CLRN1: variants seen among roughly 807,000 people sequenced by gnomAD.
CLRN1 encodes clarin 1, also known as clarin-1.
A neutral mutation model predicts 18.7 loss-of-function variants in CLRN1; 15 were observed. The observed-to-expected ratio is 0.80, with a 90% confidence interval of 0.54 to 1.23. The LOEUF is 1.23. CLRN1 is among the 50% of genes most tolerant of loss of function. The pLI is 0.00. For missense variants in CLRN1, 311 were observed against 277.5 expected (o/e 1.12, Z -0.86); for synonymous variants, 104 against 102.9 (o/e 1.01, Z -0.07).
intron 2 of CLRN1, chr3:150,940,646 A>T: frequency 3.4e-6 from 3 of 882,780 alleles, no homozygotes; most frequent in Non-Finnish European, 5.1e-6. Flanking sequence ...GGAATCTGAC[A>T]AAGTGTTGGA....
chr3:150,947,068 T>C (rs141924053), intron 1 of CLRN1, among the ~76,000 whole-genome samples: 5 of 152,192 alleles, frequency 3.3e-5, no homozygotes, highest in African/African-American at 1.2e-4. Context: ...TTATTGGTTA[T>C]GTTAATGGTG....
chr3:150,956,747 A>G (rs944863649), intron 1 of CLRN1, among the ~76,000 whole-genome samples: 1 of 151,984 alleles, frequency 6.6e-6, no homozygotes, highest in Admixed American at 6.6e-5. Context: ...CTCCTGCACA[A>G]ATGGGGACCC....
At chr3:150,945,418 ACT>A (rs1443981585) in intron 1 of CLRN1, 9 of 942,846 alleles carry the variant, frequency 9.5e-6, no homozygotes, top group Admixed American at 2.9e-5. Context: ...TGGCCACAAC[ACT>A]CTACTCCTGA....
At position 150,972,566 on chromosome 3, in the gene CLRN1, T is replaced by C. The variant is rs778733135; in HGVS notation, c.143A>G (p.Asn48Ser). The C allele has an allele frequency of 1.2e-6, 2 of 1,614,210 alleles. No homozygotes were observed. Among genetic ancestry groups the C allele is most frequent in the Admixed American group, 1.7e-5 (1 of 60,020 alleles). Reference sequence around the variant, plus strand: ...CTTGTCCAGCTCCTGCCCTGAGGCATTGACGAGCAGAGCTCCCGTTTTGCA... The same window carrying C: ...CTTGTCCAGCTCCTGCCCTGAGGCACTGACGAGCAGAGCTCCCGTTTTGCA... ...VLCKTGALLV[N>S]ASGQELDKFM... is the part of the protein sequence containing the mutation. Residue 48 changes from asparagine to serine, a missense_variant, in exon 1 of 3, where the codon AAT becomes AGT. Physicochemically the swap from Asn to Ser is conservative, Grantham distance 46 (BLOSUM62 1). Transcript: ENST00000327047.
chr3:150,958,589 A>G (rs551282909), intron 1 of CLRN1, among the ~76,000 whole-genome samples: 1 of 152,318 alleles, frequency 6.6e-6, no homozygotes, highest in South Asian at 2.1e-4. Flanking sequence ...TAAGTTCTTC[A>G]TGCATTTGCT....
At chr3:150,950,824 T>C (rs145954492) in intron 1 of CLRN1, among the ~76,000 whole-genome samples, 38 of 152,328 alleles carry the variant, frequency 2.5e-4, no homozygotes, top group African/African-American at 8.7e-4. Context: ...ATCATTCTAC[T>C]ATAAAGACAC....
At position 150,972,524 on chromosome 3, in the gene CLRN1, T is replaced by A; in HGVS notation, c.185A>T (p.Gln62Leu). 1.2e-6 allele frequency: 2 copies of A among 1,614,234 alleles called. No individual in the cohort carries two copies. The highest frequency in any genetic ancestry group is 1.7e-6 in the Non-Finnish European group (2 of 1,180,048). The change falls in exon 1 of 3, where the codon CAG becomes CTG. Residue 62 changes from glutamine (Q) to leucine (L), a missense_variant. Transcript: ENST00000327047. ...ACCCTCTCCGTGGAAAAGCCCGTAC[T>A]GCATTTCACCCATAAACTTGTCCAG... Reference protein sequence around the residue: ...QELDKFMGEMQYGLFHGEGVR... With the variant: ...QELDKFMGEMLYGLFHGEGVR...
chr3:150,941,239 TA>T (rs565807649), intron 2 of CLRN1, among the ~76,000 whole-genome samples: 180 of 150,782 alleles, frequency 1.2e-3, no homozygotes, highest in African/African-American at 4.3e-3. Flanking sequence ...ATATTCCCTA[TA>T]TTTTATATAT....
intron 1 of CLRN1, among the ~76,000 whole-genome samples, chr3:150,949,268 G>T (rs901388363): frequency 2.4e-4 from 36 of 152,232 alleles, no homozygotes; most frequent in African/African-American, 8.7e-4. Context: ...ATGGGCAAAA[G>T]GTGGAAGCAT....
intron 2 of CLRN1, among the ~76,000 whole-genome samples, chr3:150,935,250 C>T (rs371030306): frequency 6.6e-6 from 1 of 150,624 alleles, no homozygotes; most frequent in South Asian, 2.1e-4. Flanking sequence ...CCCAATAACT[C>T]GTCATTTAGC....
chr3:150,972,937 T>C (rs575451901), upstream of CLRN1: 332 of 654,804 alleles, frequency 5.1e-4, 1 homozygote, highest in South Asian at 5.2e-3. Flanking sequence ...TTCTCCCTAA[T>C]TGGAAATCTT....
intron 2 of CLRN1, chr3:150,940,565 G>A: frequency 6.6e-7 from 1 of 1,518,838 alleles, no homozygotes; most frequent in Non-Finnish European, 8.8e-7. Flanking sequence ...TCATTACATT[G>A]TTTGCTTTGT....
At chr3:150,934,837 G>C (rs990017565) in intron 2 of CLRN1, among the ~76,000 whole-genome samples, 6 of 150,920 alleles carry the variant, frequency 4.0e-5, no homozygotes, top group South Asian at 2.1e-4. Context: ...CTCTCTCTCT[G>C]TCTCTCTCTT....
At chr3:150,951,866 C>T (rs1714499782) in intron 1 of CLRN1, among the ~76,000 whole-genome samples, 2 of 152,200 alleles carry the variant, frequency 1.3e-5, no homozygotes, top group African/African-American at 2.4e-5. Flanking sequence ...CTATACAGTA[C>T]CAAGGGGGGA....
chr3:150,958,648 T>G (rs1022223455), intron 1 of CLRN1, among the ~76,000 whole-genome samples: 1 of 152,260 alleles, frequency 6.6e-6, no homozygotes, highest in African/African-American at 2.4e-5. Flanking sequence ...TCTAGTGAAA[T>G]CTAGCTCATC....
intron 1 of CLRN1, among the ~76,000 whole-genome samples, chr3:150,946,310 A>G (rs914809811): frequency 3.9e-5 from 6 of 152,236 alleles, no homozygotes; most frequent in African/African-American, 1.4e-4. Context: ...GGCATGTACC[A>G]TGACCAAGAT....
At chr3:150,947,105 A>C (rs953340471) in intron 1 of CLRN1, among the ~76,000 whole-genome samples, 5 of 151,964 alleles carry the variant, frequency 3.3e-5, no homozygotes, top group Non-Finnish European at 7.4e-5. Flanking sequence ...AAAAGTCCTT[A>C]TTGGTTAAAA....
rs12106875 is a variant in CLRN1, at chr3:150,966,482, A to G, written c.253+5974T>C. On this transcript the variant is annotated intron_variant, in intron 1 of 2. Transcript: ENST00000327047. The stretch of plus-strand genomic sequence containing the variant: ...GAAAGCAAAAATTGGAGGAAGCAGG[A>G]TGTCAGCTTCTTCTTGCTTTTGACC... 5.6e-3 allele frequency among the ~76,000 whole-genome samples: 850 copies of G among 152,338 alleles called. 7 individuals are homozygous for G. Among genetic ancestry groups the G allele is most frequent in the African/African-American group, 0.019 (798 of 41,574 alleles).
intron 1 of CLRN1, among the ~76,000 whole-genome samples, chr3:150,948,848 A>C (rs565532981): frequency 2.0e-5 from 3 of 152,320 alleles, no homozygotes; most frequent in African/African-American, 7.2e-5. Context: ...ACTCCTCCCC[A>C]ACTCATTCTA....
Sources: allele counts gnomAD v4.1 joint callset (sites outside exome capture counted in the v4.1 genomes callset), GRCh38; gene constraint gnomAD v4.1.1; transcripts MANE v1.5; gene names NCBI Gene and HGNC (gene_info 2026-07-23, HGNC 2026-07-21).